Variants in C12orf54 observed in about 807,000 individuals in gnomAD.
C12orf54 encodes the protein uncharacterized protein C12orf54.
Under a neutral mutation model 26.4 loss-of-function variants are expected in C12orf54, and 24 were observed. The observed-to-expected ratio is 0.91, with a 90% CI of 0.66 to 1.28. The LOEUF (loss-of-function observed/expected upper bound fraction) is 1.28, where lower values mean the gene tolerates loss of function less well. C12orf54 is among the 50% of genes most tolerant of loss of function. C12orf54 has a pLI of 0.00. For synonymous variants in C12orf54, 54 were observed against 47.0 expected, an observed-to-expected ratio of 1.15 and a Z score of -0.61; for missense variants, 154 against 150.9, an observed-to-expected ratio of 1.02 and a Z score of -0.11.
the C12orf54 span, among the ~76,000 whole-genome samples, chr12:48,461,803 A>G: frequency 6.6e-6 from 1 of 151,894 alleles, no homozygotes; most frequent in African/African-American, 2.4e-5. Context: ...AAAGGTCTAA[A>G]GTCAGTGCTT....
At chr12:48,435,021 T>C in the C12orf54 span, among the ~76,000 whole-genome samples, 2 of 152,012 alleles carry the variant, frequency 1.3e-5, no homozygotes, top group Non-Finnish European at 2.9e-5. Flanking sequence ...GAAAAAAAAT[T>C]AGACGAGTGG....
At chr12:48,474,726 A>T in the C12orf54 span, among the ~76,000 whole-genome samples, 8 of 152,346 alleles carry the variant, frequency 5.3e-5, no homozygotes, top group African/African-American at 1.9e-4. Context: ...TAGTTGTTTG[A>T]TTAGGTAAAC....
chr12:48,473,283 G>A, the C12orf54 span: 389 of 1,093,396 alleles, frequency 3.6e-4, 1 homozygote, highest in African/African-American at 4.8e-3. Flanking sequence ...GAGTGGAGAC[G>A]AGGAGGAGAA....
the C12orf54 span, among the ~76,000 whole-genome samples, chr12:48,425,118 A>G: frequency 1.3e-5 from 2 of 152,084 alleles, no homozygotes; most frequent in Non-Finnish European, 2.9e-5. Context: ...GTACATGTGC[A>G]GGTTTGTTAT....
chr12:48,459,502 T>A, the C12orf54 span, among the ~76,000 whole-genome samples: 1 of 152,152 alleles, frequency 6.6e-6, no homozygotes, highest in African/African-American at 2.4e-5. Flanking sequence ...GTGGAGATGA[T>A]ACAGAGCAAA....
At chr12:48,473,361 A>G in the C12orf54 span, 2 of 1,105,994 alleles carry the variant, frequency 1.8e-6, no homozygotes, top group South Asian at 2.6e-5. Flanking sequence ...TGAAGAAGAA[A>G]GGGGTCAGAA....
the C12orf54 span, among the ~76,000 whole-genome samples, chr12:48,443,231 A>C: frequency 9.8e-4 from 149 of 152,238 alleles, no homozygotes; most frequent in African/African-American, 3.6e-3. Flanking sequence ...TATTAAGGCT[A>C]CTAGAGAGTG....
At chr12:48,474,234 T>C in the C12orf54 span, among the ~76,000 whole-genome samples, 4 of 152,214 alleles carry the variant, frequency 2.6e-5, no homozygotes, top group East Asian at 7.7e-4. Flanking sequence ...ATTTCTGTGC[T>C]TAGAACAATT....
At chr12:48,442,570 A>AGAGCTGAT in the C12orf54 span, 1 of 158,526 alleles carries the variant, frequency 6.3e-6, no homozygotes, top group South Asian at 1.9e-4. Flanking sequence ...AGAGCAAAGG[A>AGAGCTGAT]GAGCTGATGG....
the C12orf54 span, chr12:48,442,192 G>A: frequency 3.7e-5 from 7 of 188,310 alleles, no homozygotes; most frequent in East Asian, 4.9e-4. Flanking sequence ...GGAGTAATCC[G>A]GAGCCATAAA....
At chr12:48,460,666 T>TA in the C12orf54 span, among the ~76,000 whole-genome samples, 1 of 152,172 alleles carries the variant, frequency 6.6e-6, no homozygotes, top group African/African-American at 2.4e-5. Context: ...GCTGTTGGGA[T>TA]AAATGGAAGC....
intron 4 of C12orf54, chr12:48,487,691 G>A: frequency 5.4e-6 from 1 of 184,500 alleles, no homozygotes; most frequent in Non-Finnish European, 1.1e-5. Flanking sequence ...TTAATCATTG[G>A]CACACTCTAC....
the C12orf54 span, among the ~76,000 whole-genome samples, chr12:48,449,870 C>A: frequency 6.6e-6 from 1 of 152,056 alleles, no homozygotes; most frequent in African/African-American, 2.4e-5. Context: ...GGAATTCCCA[C>A]GTGTTGTGGG....
At chr12:48,479,691 C>A (rs1050559385), upstream of C12orf54, among the ~76,000 whole-genome samples, 1 of 151,642 alleles carries the variant, frequency 6.6e-6, no homozygotes, top group African/African-American at 2.4e-5. Flanking sequence ...ATTGCAATTC[C>A]TAGTGAATGT....
the C12orf54 span, among the ~76,000 whole-genome samples, chr12:48,421,061 T>C: frequency 6.6e-6 from 1 of 152,240 alleles, no homozygotes; most frequent in African/African-American, 2.4e-5. Flanking sequence ...GCACCTCTTC[T>C]AAGATATTTA....
chr12:48,417,759 A>C, the C12orf54 span, among the ~76,000 whole-genome samples: 1 of 152,022 alleles, frequency 6.6e-6, no homozygotes, highest in African/African-American at 2.4e-5. Flanking sequence ...AGTAGTCCCC[A>C]GTGTCTATTA....
the C12orf54 span, among the ~76,000 whole-genome samples, chr12:48,439,985 G>T: frequency 6.6e-6 from 1 of 152,292 alleles, no homozygotes; most frequent in South Asian, 2.1e-4. Flanking sequence ...AGCACCTTGG[G>T]AGGCTGATGT....
At chr12:48,442,040 T>A in the C12orf54 span, 1 of 152,370 alleles carries the variant, frequency 6.6e-6, no homozygotes, top group Non-Finnish European at 1.5e-5. Flanking sequence ...CTAGAAATAT[T>A]TTCTCAATGT....
the C12orf54 span, among the ~76,000 whole-genome samples, chr12:48,435,052 A>G: frequency 3.3e-5 from 5 of 152,224 alleles, no homozygotes; most frequent in Non-Finnish European, 7.3e-5. Flanking sequence ...TAACCAATGC[A>G]GAGAAATCCT....
Sources: gnomAD v4.1 joint callset for allele counts (sites outside exome capture counted in the v4.1 genomes callset) on GRCh38, gnomAD v4.1.1 for gene constraint, MANE v1.5 for transcripts, NCBI Gene and HGNC (gene_info 2026-07-23, HGNC 2026-07-21) for gene names.